The following BTBD8 variants were observed in gnomAD, a reference collection of about 807,000 sequenced individuals.
BTBD8 encodes the protein BTB domain containing 8.
A neutral mutation model predicts 162.9 loss-of-function variants in BTBD8; 110 were observed. That is an observed-to-expected ratio of 0.68 (90% CI 0.58 to 0.79). The LOEUF (loss-of-function observed/expected upper bound fraction) is 0.79. Ranked by LOEUF, BTBD8 falls within the 30% of genes least tolerant of loss-of-function variation. The pLI, the probability that BTBD8 is intolerant of heterozygous loss-of-function variation, is 0.00. For synonymous variants in BTBD8, 667 were observed against 716.1 expected (o/e 0.93, Z 1.10); for missense variants, 1,905 against 2,085.4 (o/e 0.91, Z 1.68).
At chr1:92,177,667 ATATGTACT>A in intron 14 of BTBD8, 121 bp downstream of exon 14, 1 of 818,500 alleles carries the variant, frequency 1.2e-6, no homozygotes, top group Non-Finnish European at 2.0e-6. Context: ...ATACTTATGT[ATATGTACT>A]TATGCAAACA....
intron 2 of BTBD8, among the ~76,000 whole-genome samples, chr1:92,093,073 A>C (rs1229105674): frequency 6.6e-6 from 1 of 152,168 alleles, no homozygotes; most frequent in African/African-American, 2.4e-5. Flanking sequence ...ACCTGTGTTC[A>C]TTAAAAGAAC....
At position 92,139,331 on chromosome 1, in the gene BTBD8, G is replaced by C; in HGVS notation, c.753-19G>C. 6.5e-7 allele frequency: 1 copy of C among 1,549,172 alleles called. No homozygotes were observed. Among genetic ancestry groups the C allele is most frequent in the Middle Eastern group, 2.0e-4 (1 of 5,098 alleles). On this transcript the variant is annotated intron_variant, in intron 5 of 17. Transcript: ENST00000636805. ...AGTTAAACCTTAATTCTGGATTTGA[G>C]TTTTCTTTTATTTTTCAGTATAAGC...
At chr1:92,178,505 A>T in intron 16 of BTBD8, 54 bp downstream of exon 16, 1 of 1,427,518 alleles carries the variant, frequency 7.0e-7, no homozygotes, top group Non-Finnish European at 9.4e-7. Context: ...TGTAAACTGG[A>T]TAAGCCAAAC....
At chr1:92,121,743 C>G (rs1649216155) in intron 4 of BTBD8, among the ~76,000 whole-genome samples, 1 of 152,184 alleles carries the variant, frequency 6.6e-6, no homozygotes, top group Non-Finnish European at 1.5e-5. Context: ...TATCCCTACC[C>G]CAGCCACAGG....
chr1:92,156,295 T>A (rs904811146), intron 9 of BTBD8, among the ~76,000 whole-genome samples: 1 of 152,234 alleles, frequency 6.6e-6, no homozygotes, highest in Non-Finnish European at 1.5e-5. Context: ...GAATTATCTT[T>A]ATAATGTACT....
chr1:92,123,195 A>G (rs1176702013), intron 4 of BTBD8, among the ~76,000 whole-genome samples: 1 of 152,206 alleles, frequency 6.6e-6, no homozygotes, highest in Non-Finnish European at 1.5e-5. Context: ...ATTCTGTTCC[A>G]GTGATTTATA....
At chr1:92,106,689 A>AAAAAAT (rs1648738027) in intron 3 of BTBD8, among the ~76,000 whole-genome samples, 3 of 147,450 alleles carry the variant, frequency 2.0e-5, no homozygotes, top group South Asian at 2.2e-4. Context: ...AAAAAAAAAA[A>AAAAAAT]GTGTAGTCCT....
chr1:92,156,920 A>C (rs1650170874), intron 9 of BTBD8, among the ~76,000 whole-genome samples: 1 of 147,626 alleles, frequency 6.8e-6, no homozygotes, highest in Non-Finnish European at 1.5e-5. Flanking sequence ...CTGTTTTTCT[A>C]TCCTCTATTT....
intron 2 of BTBD8, among the ~76,000 whole-genome samples, chr1:92,100,736 A>G (rs1484489695): frequency 6.6e-6 from 1 of 151,938 alleles, no homozygotes; most frequent in Non-Finnish European, 1.5e-5. Flanking sequence ...CAGCCTCCCA[A>G]GTAGCTGGGA....
chr1:92,105,878 T>G (rs1444763446), intron 3 of BTBD8, among the ~76,000 whole-genome samples: 1 of 152,226 alleles, frequency 6.6e-6, no homozygotes, highest in Admixed American at 6.5e-5. Context: ...TTTGCCTTAT[T>G]TGGACATGGC....
intron 13 of BTBD8, among the ~76,000 whole-genome samples, chr1:92,173,395 A>G (rs1369088226): frequency 1.3e-5 from 2 of 152,198 alleles, no homozygotes; most frequent in Non-Finnish European, 2.9e-5. Context: ...ATTCCACAGA[A>G]CATACTCTAG....
chr1:92,125,186 G>A (rs1474122174), intron 4 of BTBD8: 3 of 153,576 alleles, frequency 2.0e-5, no homozygotes, highest in African/African-American at 7.2e-5. Context: ...AGGCAGAGTA[G>A]GGTGGACAGA....
intron 9 of BTBD8, among the ~76,000 whole-genome samples, chr1:92,157,996 C>T (rs976266363): frequency 6.6e-6 from 1 of 152,182 alleles, no homozygotes; most frequent in Admixed American, 6.5e-5. Flanking sequence ...TACATAATGT[C>T]TGTGTCTCTT....
chr1:92,136,948 T>C (rs72956874), intron 5 of BTBD8, among the ~76,000 whole-genome samples: 8,099 of 152,240 alleles, frequency 0.053, 764 homozygotes, highest in African/African-American at 0.18. Flanking sequence ...TCAGTAATTT[T>C]TTTTCACCTT....
chr1:92,158,817 C>A (rs1650220095), intron 9 of BTBD8, among the ~76,000 whole-genome samples: 1 of 152,126 alleles, frequency 6.6e-6, no homozygotes, highest in Non-Finnish European at 1.5e-5. Context: ...ACTCTGTCAC[C>A]CAAGCTGGAG....
chr1:92,121,937 T>A (rs911848549), intron 4 of BTBD8, among the ~76,000 whole-genome samples: 1 of 151,664 alleles, frequency 6.6e-6, no homozygotes, highest in African/African-American at 2.4e-5. Context: ...TCCCAAGTAG[T>A]TGGGACTACA....
At chr1:92,147,359 G>C (rs1649949429) in intron 8 of BTBD8, 91 bp downstream of exon 8, 1 of 1,108,136 alleles carries the variant, frequency 9.0e-7, no homozygotes, top group Admixed American at 2.1e-5. Context: ...GAGTTGGCCT[G>C]TTTTCTTGGA....
intron 4 of BTBD8, among the ~76,000 whole-genome samples, chr1:92,116,281 TC>T (rs1649040862): frequency 6.6e-6 from 1 of 152,130 alleles, no homozygotes; most frequent in South Asian, 2.1e-4. Flanking sequence ...TAGTGAATGT[TC>T]CACATGTACT....
At chr1:92,166,071 T>C (rs1272256923) in intron 9 of BTBD8, among the ~76,000 whole-genome samples, 3 of 152,238 alleles carry the variant, frequency 2.0e-5, no homozygotes, top group Non-Finnish European at 2.9e-5. Context: ...ACATGGTATT[T>C]GCTCATTGTC....
Sources: gnomAD v4.1 joint callset for allele counts (sites outside exome capture counted in the v4.1 genomes callset) on GRCh38, gnomAD v4.1.1 for gene constraint, MANE v1.5 for transcripts, NCBI Gene and HGNC (gene_info 2026-07-23, HGNC 2026-07-21) for gene names.